Variants in ARHGAP29 observed in about 807,000 individuals in gnomAD.
The protein encoded by ARHGAP29 is Rho GTPase activating protein 29.
ARHGAP29 carries 43 observed loss-of-function variants against 122.6 expected under a neutral mutation model. The ratio of observed to expected loss-of-function variants is 0.35; its 90% CI spans 0.27 to 0.45. The LOEUF is 0.45. ARHGAP29 is among the 20% of genes least tolerant of loss of function. The pLI, the probability that ARHGAP29 is intolerant of heterozygous loss-of-function variation, is 1.00. For synonymous variants in ARHGAP29, 506 were observed against 497.1 expected, an observed-to-expected ratio of 1.02 and a Z score of -0.24; for missense variants, 1,303 against 1,477.2, an observed-to-expected ratio of 0.88 and a Z score of 1.93.
At position 94,169,427 on chromosome 1, in the gene ARHGAP29, G is replaced by A. The variant is rs1258711782; in HGVS notation, c.*4442C>T. ...TGAGACAGCAGCTGGCATGTCAAGA[G>A]GTTGAGGGAGGGAGGAAGAATGAAC... On this transcript the variant is annotated 3_prime_UTR_variant, in exon 23 of 23. Transcript: ENST00000260526. Among the ~76,000 whole-genome samples, 3 of 152,126 alleles carry A rather than the reference G, an allele frequency of 2.0e-5. No individual in the cohort carries two copies. Among genetic ancestry groups the A allele is most frequent in the African/African-American group, 4.8e-5 (2 of 41,430 alleles).
At chr1:94,237,815 G>A, upstream of ARHGAP29, 1 of 973,898 alleles carries the variant, frequency 1.0e-6, no homozygotes, top group Non-Finnish European at 1.2e-6. Context: ...GCAGGGGACA[G>A]GCAGAGCGAC....
chr1:94,290,784 GAGAGAGTTTGTTGTGATTTCTGTTCTT>G, the ARHGAP29 span, among the ~76,000 whole-genome samples: 1 of 152,204 alleles, frequency 6.6e-6, no homozygotes, highest in Non-Finnish European at 1.5e-5. Flanking sequence ...TGTGGTCTGA[GAGAGAGTTTGTTGTGATTTCTGTTCTT>G]TTACATTTGC....
upstream of ARHGAP29, among the ~76,000 whole-genome samples, chr1:94,278,281 C>T (rs1428028423): frequency 2.6e-5 from 4 of 151,864 alleles, no homozygotes; most frequent in African/African-American, 4.8e-5. Flanking sequence ...ATCATGGCGC[C>T]GCATTCCAGC....
chr1:94,209,137 G>A lies in ARHGAP29; in HGVS notation c.437+117C>T, dbSNP rs116647642. On this transcript the variant is annotated intron_variant, in intron 4 of 22. Coordinates refer to ENST00000260526, the MANE Select transcript of ARHGAP29 (RefSeq NM_004815.4). Reference sequence around the variant, plus strand: ...CCATACAGAAGGTAGTTTTTCCGAAGTTGTGATATTTAATACCATTTAATA... The same window carrying A: ...CCATACAGAAGGTAGTTTTTCCGAAATTGTGATATTTAATACCATTTAATA... 1,207 of 877,612 alleles carry A rather than the reference G, an allele frequency of 1.4e-3. 4 individuals are homozygous for A. Among genetic ancestry groups the A allele is most frequent in the Middle Eastern group, 2.0e-3 (8 of 3,916 alleles). 54.4% of individuals were successfully genotyped at this position (877,612 alleles called of 1,614,324 possible). A position where few individuals can be genotyped will look rare whatever the true frequency, so the allele number is the denominator to read the frequency against.
chr1:94,223,872 A>G (rs548280939), intron 2 of ARHGAP29, among the ~76,000 whole-genome samples: 90 of 151,674 alleles, frequency 5.9e-4, no homozygotes, highest in Middle Eastern at 3.4e-3. Context: ...CCACGGTGCA[A>G]TCTCAGCTCA....
the ARHGAP29 span, among the ~76,000 whole-genome samples, chr1:94,287,228 C>G: frequency 6.6e-6 from 1 of 152,140 alleles, no homozygotes; most frequent in Non-Finnish European, 1.5e-5. Context: ...TGTGGCCCCA[C>G]CCAAATCTCA....
intron 3 of ARHGAP29, among the ~76,000 whole-genome samples, chr1:94,217,475 A>T (rs1232409060): frequency 6.6e-6 from 1 of 150,966 alleles, no homozygotes; most frequent in East Asian, 1.9e-4. Context: ...CTGAGGCTGC[A>T]GTGAGCCGAG....
the ARHGAP29 span, among the ~76,000 whole-genome samples, chr1:94,308,808 G>C: frequency 2.6e-5 from 4 of 152,200 alleles, no homozygotes; most frequent in Non-Finnish European, 4.4e-5. Flanking sequence ...ATGTAACCCT[G>C]AAGAGAGGGG....
At chr1:94,294,119 A>G in the ARHGAP29 span, among the ~76,000 whole-genome samples, 3 of 152,210 alleles carry the variant, frequency 2.0e-5, no homozygotes, top group Non-Finnish European at 4.4e-5. Context: ...TATGTTTCAC[A>G]TATCACAGGT....
intron 2 of ARHGAP29, among the ~76,000 whole-genome samples, chr1:94,226,225 G>A (rs900046082): frequency 6.6e-6 from 1 of 151,828 alleles, no homozygotes; most frequent in Admixed American, 6.6e-5. Context: ...AATTTTTGTC[G>A]TAATGGCTTT....
At position 94,228,828 on chromosome 1, in the gene ARHGAP29, A is replaced by G. The variant is rs560069576; in HGVS notation, c.205+2579T>C. ...CCTATGATTAAACAACTGCGGCAAAAGTCAAGTGACTGCACATTAGTGCTT... is the reference window on the plus strand; with the variant it reads ...CCTATGATTAAACAACTGCGGCAAAGGTCAAGTGACTGCACATTAGTGCTT... On this transcript the variant is annotated intron_variant, in intron 2 of 22. Coordinates refer to ENST00000260526, the MANE Select transcript of ARHGAP29 (RefSeq NM_004815.4). Among the ~76,000 whole-genome samples, 10 of 151,980 alleles carry G rather than the reference A, an allele frequency of 6.6e-5. No individual in the cohort carries two copies. The East Asian group carries it at 1.9e-3, about 29-fold the overall frequency.
At chr1:94,236,168 G>C (rs1265204592) in intron 1 of ARHGAP29, among the ~76,000 whole-genome samples, 3 of 152,188 alleles carry the variant, frequency 2.0e-5, no homozygotes, top group Non-Finnish European at 4.4e-5. Context: ...AAACAGAATA[G>C]GGACATGTGA....
At chr1:94,227,451 C>CA (rs1460971333) in intron 2 of ARHGAP29, among the ~76,000 whole-genome samples, 108 of 151,378 alleles carry the variant, frequency 7.1e-4, no homozygotes, top group Non-Finnish European at 1.9e-4. Flanking sequence ...AGTCACAAAC[C>CA]AAAAAATCCA....
At chr1:94,178,284 G>A in intron 20 of ARHGAP29, 117 bp from the exon 21 acceptor site, 1 of 937,362 alleles carries the variant, frequency 1.1e-6, no homozygotes, top group Middle Eastern at 3.4e-4. Context: ...ATACTAGGGG[G>A]AAAAAGTCTA....
chr1:94,221,502 A>G (rs765221434), intron 2 of ARHGAP29, among the ~76,000 whole-genome samples: 7 of 151,384 alleles, frequency 4.6e-5, no homozygotes, highest in Admixed American at 2.0e-4. Flanking sequence ...GTATATACAC[A>G]TATTTCTGTA....
At chr1:94,311,797 T>A in the ARHGAP29 span, among the ~76,000 whole-genome samples, 1 of 152,216 alleles carries the variant, frequency 6.6e-6, no homozygotes, top group Non-Finnish European at 1.5e-5. Context: ...TATGTACCAC[T>A]AAGTCCACTA....
intron 2 of ARHGAP29, among the ~76,000 whole-genome samples, chr1:94,221,286 G>C (rs952801361): frequency 1.3e-5 from 2 of 152,020 alleles, no homozygotes; most frequent in Non-Finnish European, 2.9e-5. Flanking sequence ...ATCCTCAAAA[G>C]TCTGACAAGA....
chr1:94,220,332 A>G lies in ARHGAP29; in HGVS notation c.266T>C (p.Ile89Thr). Residue 89 changes from isoleucine to threonine, a missense_variant, in exon 3 of 23, where the codon ATA becomes ACA. Physicochemically the swap from Ile to Thr is moderately conservative, Grantham distance 89. This residue lies in a region of ARHGAP29 where 592 missense variants were observed against 648.2 expected (regional missense o/e 0.91). Transcript: ENST00000260526. ...LEELLRVLKS[I>T]MNKHQNLNSV... The stretch of plus-strand genomic sequence containing the variant: ...ATTGAGGTTCTGATGTTTATTCATT[A>G]TAGACTTTAAAACACGGAGCAGTTC... 1.9e-6 allele frequency: 3 copies of G among 1,613,232 alleles called. No individual in the cohort carries two copies. The highest frequency in any genetic ancestry group is 2.5e-6 in the Non-Finnish European group (3 of 1,179,362).
chr1:94,215,602 TTAGA>T (rs1651912450), intron 3 of ARHGAP29, among the ~76,000 whole-genome samples: 1 of 152,110 alleles, frequency 6.6e-6, no homozygotes. Flanking sequence ...TACTAGACAC[TTAGA>T]TACTTTACAA....
Sources: allele counts gnomAD v4.1 joint callset (sites outside exome capture counted in the v4.1 genomes callset), GRCh38; gene constraint gnomAD v4.1.1; regional missense constraint gnomAD v4.1.1; transcripts MANE v1.5; gene names NCBI Gene and HGNC (gene_info 2026-07-23, HGNC 2026-07-21).